Variants in INSC observed in about 807,000 individuals in gnomAD.
INSC encodes protein inscuteable homolog.
A neutral mutation model predicts 58.6 loss-of-function variants in INSC; 67 were observed. The ratio of observed to expected loss-of-function variants is 1.14; its 90% CI spans 0.94 to 1.40. The LOEUF (loss-of-function observed/expected upper bound fraction) is 1.40, where lower values mean the gene tolerates loss of function less well. Ranked by LOEUF, INSC falls within the 40% of genes most tolerant of loss-of-function variation. The pLI is 0.00. For synonymous variants in INSC, 262 were observed against 276.1 expected (o/e 0.95, Z 0.51); for missense variants, 714 against 692.0 (o/e 1.03, Z -0.36).
In INSC at chr11:15,115,012, A is replaced by T. The variant is rs1374280116; in HGVS notation, c.-46+9A>T. 1.0e-6 allele frequency: 1 copy of T among 985,376 alleles called. No homozygotes were observed. Among genetic ancestry groups the T allele is most frequent in the African/African-American group, 1.7e-5 (1 of 57,248 alleles). 61.0% of individuals were successfully genotyped at this position (985,376 alleles called of 1,614,324 possible). A position where few individuals can be genotyped will look rare whatever the true frequency, so the allele number is the denominator to read the frequency against. On this transcript the variant is annotated intron_variant, in intron 1 of 12. Coordinates refer to ENST00000379556, the MANE Select transcript of INSC (RefSeq NM_001042536.3). ...CCTGTCTCGCACGCTAAGTAAGTAG[A>T]CAGCTCCCCTAGCTGGATTCAGGGG...
At chr11:15,164,378 G>C (rs1282203167) in intron 2 of INSC, among the ~76,000 whole-genome samples, 1 of 152,156 alleles carries the variant, frequency 6.6e-6, no homozygotes, top group African/African-American at 2.4e-5. Context: ...TGCTCTCTGA[G>C]TGTTCCTATC....
chr11:15,180,297 A>AAAC (rs770269706), intron 5 of INSC, among the ~76,000 whole-genome samples: 33 of 151,852 alleles, frequency 2.2e-4, no homozygotes, highest in Non-Finnish European at 4.0e-4. Context: ...ACAAACAAAC[A>AAAC]AAAAGGGCTG....
chr11:15,252,086 T>C (rs528573873), downstream of INSC, among the ~76,000 whole-genome samples: 7 of 152,202 alleles, frequency 4.6e-5, no homozygotes, highest in Non-Finnish European at 1.0e-4. Context: ...CAACAGTGAT[T>C]AACTTTGAAC....
chr11:15,132,824 C>G (rs997000635), intron 1 of INSC, among the ~76,000 whole-genome samples: 15 of 152,136 alleles, frequency 9.9e-5, no homozygotes, highest in African/African-American at 3.6e-4. Flanking sequence ...CAATTATTTT[C>G]TGGCATAATA....
the INSC span, among the ~76,000 whole-genome samples, chr11:15,265,203 A>T: frequency 6.6e-6 from 1 of 152,146 alleles, no homozygotes; most frequent in Non-Finnish European, 1.5e-5. Context: ...TAAGGTCTTT[A>T]TATTTGTTCC....
chr11:15,151,963 C>T (rs1191829907), intron 2 of INSC, among the ~76,000 whole-genome samples: 1 of 152,222 alleles, frequency 6.6e-6, no homozygotes, highest in Non-Finnish European at 1.5e-5. Flanking sequence ...GATTAATAGG[C>T]AGGCCTTTGC....
chr11:15,266,305 G>A, the INSC span, among the ~76,000 whole-genome samples: 1 of 151,686 alleles, frequency 6.6e-6, no homozygotes, highest in Non-Finnish European at 1.5e-5. Context: ...GAATTGCAAG[G>A]ACATGCACCA....
intron 1 of INSC, among the ~76,000 whole-genome samples, chr11:15,119,360 CCT>C (rs1433375363): frequency 6.6e-6 from 1 of 152,182 alleles, no homozygotes; most frequent in Non-Finnish European, 1.5e-5. Context: ...CATGGAGCAA[CCT>C]CTGTCCTGGG....
At chr11:15,197,523 G>T (rs1850416094) in intron 6 of INSC, among the ~76,000 whole-genome samples, 1 of 152,132 alleles carries the variant, frequency 6.6e-6, no homozygotes, top group African/African-American at 2.4e-5. Flanking sequence ...TAACAGTGTG[G>T]GGCAGTGATC....
intron 7 of INSC, among the ~76,000 whole-genome samples, chr11:15,220,734 C>T (rs1161859698): frequency 6.6e-6 from 1 of 152,184 alleles, no homozygotes; most frequent in African/African-American, 2.4e-5. Flanking sequence ...ACACTGTAAG[C>T]ACATGCTCAG....
chr11:15,116,868 T>TTTCTTTCC (rs1847723007), intron 1 of INSC, among the ~76,000 whole-genome samples: 1 of 64,840 alleles, frequency 1.5e-5, no homozygotes, highest in African/African-American at 7.6e-5. Context: ...TCTCTCTCTC[T>TTTCTTTCC]CTCTCTCTCC....
chr11:15,224,492 G>C (rs1851556965), intron 8 of INSC, among the ~76,000 whole-genome samples: 1 of 152,226 alleles, frequency 6.6e-6, no homozygotes, highest in African/African-American at 2.4e-5. Context: ...ATAGAACACA[G>C]CTCAATTTTG....
intron 5 of INSC, among the ~76,000 whole-genome samples, chr11:15,180,110 A>T (rs1849711472): frequency 6.6e-6 from 1 of 151,956 alleles, no homozygotes; most frequent in Non-Finnish European, 1.5e-5. Flanking sequence ...CAAAAAAAAT[A>T]AGCCGGGCAT....
At chr11:15,142,681 C>G (rs1437216246) in intron 1 of INSC, among the ~76,000 whole-genome samples, 1 of 152,074 alleles carries the variant, frequency 6.6e-6, no homozygotes, top group African/African-American at 2.4e-5. Flanking sequence ...GAACACAGAG[C>G]TGGGAGTGGA....
intron 5 of INSC, among the ~76,000 whole-genome samples, chr11:15,180,667 C>T (rs921529105): frequency 5.3e-5 from 3 of 56,452 alleles, no homozygotes; most frequent in African/African-American, 2.4e-4. Flanking sequence ...ATTGGCCTCC[C>T]TCTCATGGTA....
intron 1 of INSC, among the ~76,000 whole-genome samples, chr11:15,131,545 T>C (rs906511535): frequency 1.3e-5 from 2 of 152,170 alleles, no homozygotes; most frequent in Non-Finnish European, 2.9e-5. Context: ...GCTTGATCTA[T>C]CACTCAGTGA....
At chr11:15,180,307 G>A (rs1166908065) in intron 5 of INSC, among the ~76,000 whole-genome samples, 1 of 151,954 alleles carries the variant, frequency 6.6e-6, no homozygotes. Flanking sequence ...AAAAAGGGCT[G>A]AAAAAGAGGT....
chr11:15,153,789 C>A (rs1395118009), intron 2 of INSC, among the ~76,000 whole-genome samples: 2 of 152,306 alleles, frequency 1.3e-5, no homozygotes, highest in African/African-American at 4.8e-5. Context: ...TTCATCTATG[C>A]CATCCCTTCA....
At chr11:15,118,975 C>G (rs1402288398) in intron 1 of INSC, among the ~76,000 whole-genome samples, 1 of 152,218 alleles carries the variant, frequency 6.6e-6, no homozygotes, top group African/African-American at 2.4e-5. Flanking sequence ...GGCTAAACAA[C>G]TAGCCCAAGG....
Sources: gnomAD v4.1 joint callset for allele counts (sites outside exome capture counted in the v4.1 genomes callset) on GRCh38, gnomAD v4.1.1 for gene constraint, MANE v1.5 for transcripts, NCBI Gene and HGNC (gene_info 2026-07-23, HGNC 2026-07-21) for gene names.